ATOSA: variants seen among roughly 807,000 people sequenced by gnomAD.
ATOSA encodes the protein atos homolog A, also known as atos homolog protein A.
At chr15:52,599,752 T>G in the ATOSA span, among the ~76,000 whole-genome samples, 1 of 152,208 alleles carries the variant, frequency 6.6e-6, no homozygotes, top group Admixed American at 6.5e-5. Flanking sequence ...CCTTTTGGTT[T>G]TGCAAATCAA....
the ATOSA span, chr15:52,611,381 A>T: frequency 4.4e-5 from 57 of 1,287,166 alleles, no homozygotes; most frequent in Non-Finnish European, 5.3e-5. Context: ...ATAGGAATAC[A>T]CTTACGATGT....
chr15:52,701,436 C>G, the ATOSA span, among the ~76,000 whole-genome samples: 1 of 152,196 alleles, frequency 6.6e-6, no homozygotes, highest in Non-Finnish European at 1.5e-5. Context: ...GAGACCCTGT[C>G]TCCAGTATAT....
At chr15:52,599,647 A>G in the ATOSA span, among the ~76,000 whole-genome samples, 4 of 152,322 alleles carry the variant, frequency 2.6e-5, no homozygotes, top group Non-Finnish European at 4.4e-5. Flanking sequence ...GTGAGTAAAC[A>G]TATCAGAAAT....
chr15:52,709,149 G>A, the ATOSA span, among the ~76,000 whole-genome samples: 1 of 152,150 alleles, frequency 6.6e-6, no homozygotes, highest in Admixed American at 6.5e-5. Flanking sequence ...AGGCAAGTGG[G>A]TCAGTTTTGC....
At chr15:52,607,875 G>A in the ATOSA span, among the ~76,000 whole-genome samples, 24 of 152,068 alleles carry the variant, frequency 1.6e-4, no homozygotes, top group Non-Finnish European at 3.1e-4. Flanking sequence ...TGGTTGGTTG[G>A]TTTTTTTCTG....
chr15:52,669,453 T>C, the ATOSA span, among the ~76,000 whole-genome samples: 1 of 152,212 alleles, frequency 6.6e-6, no homozygotes, highest in Non-Finnish European at 1.5e-5. Flanking sequence ...TAAATTTAAG[T>C]AGAAATGGCC....
At chr15:52,611,855 A>T in the ATOSA span, 8 of 1,294,676 alleles carry the variant, frequency 6.2e-6, no homozygotes, top group African/African-American at 1.5e-5. Context: ...TTATCATTGT[A>T]AAGTAGACAT....
the ATOSA span, among the ~76,000 whole-genome samples, chr15:52,705,058 T>A: frequency 0.019 from 2,970 of 152,316 alleles, 108 homozygotes; most frequent in African/African-American, 0.069. Flanking sequence ...TGCACACATA[T>A]GTTTATTGCG....
chr15:52,611,126 A>G, the ATOSA span: 2 of 1,611,254 alleles, frequency 1.2e-6, no homozygotes, highest in African/African-American at 2.7e-5. Context: ...GGCCCTAGAC[A>G]TACCTGTAGA....
At chr15:52,677,700 A>G in the ATOSA span, among the ~76,000 whole-genome samples, 1 of 152,324 alleles carries the variant, frequency 6.6e-6, no homozygotes, top group Middle Eastern at 3.4e-3. Flanking sequence ...AAAAACGAGC[A>G]AGTACAACTC....
At chr15:52,699,063 G>A in the ATOSA span, among the ~76,000 whole-genome samples, 15 of 152,262 alleles carry the variant, frequency 9.9e-5, no homozygotes, top group Admixed American at 2.6e-4. Flanking sequence ...TACAGATACT[G>A]GAAATAAAAG....
At chr15:52,672,172 CAAAA>C in the ATOSA span, among the ~76,000 whole-genome samples, 17 of 62,588 alleles carry the variant, frequency 2.7e-4, no homozygotes, top group Admixed American at 9.5e-4. Context: ...CCCCATTTCT[CAAAA>C]AAAAAAAAAA....
chr15:52,602,135 T>C, the ATOSA span, among the ~76,000 whole-genome samples: 1 of 152,366 alleles, frequency 6.6e-6, no homozygotes, highest in Non-Finnish European at 1.5e-5. Flanking sequence ...TGCTTCATTC[T>C]AGGTGCTTCC....
the ATOSA span, among the ~76,000 whole-genome samples, chr15:52,655,796 A>AT: frequency 1.3e-5 from 2 of 152,126 alleles, no homozygotes; most frequent in African/African-American, 4.8e-5. Context: ...AGCAAGACAT[A>AT]AAGGAGGAAA....
chr15:52,588,064 G>A, the ATOSA span, among the ~76,000 whole-genome samples: 1 of 152,150 alleles, frequency 6.6e-6, no homozygotes, highest in Non-Finnish European at 1.5e-5. Flanking sequence ...GTCTAAAAGA[G>A]GATATCAGGA....
the ATOSA span, among the ~76,000 whole-genome samples, chr15:52,669,583 T>C: frequency 6.6e-6 from 1 of 152,244 alleles, no homozygotes; most frequent in Non-Finnish European, 1.5e-5. Context: ...TAATTTCAGA[T>C]ACTGACGCTA....
the ATOSA span, among the ~76,000 whole-genome samples, chr15:52,595,982 T>C: frequency 6.6e-6 from 1 of 151,998 alleles, no homozygotes; most frequent in Admixed American, 6.6e-5. Context: ...GGTGTGGTGG[T>C]ACAAGCGTAG....
At chr15:52,599,367 C>T in the ATOSA span, among the ~76,000 whole-genome samples, 31 of 152,258 alleles carry the variant, frequency 2.0e-4, 1 homozygote, top group Admixed American at 1.7e-3. Context: ...AAAGACTTAC[C>T]ATGAAATATC....
chr15:52,608,868 G>C, the ATOSA span: 3 of 1,608,938 alleles, frequency 1.9e-6, no homozygotes, highest in Non-Finnish European at 2.5e-6. Flanking sequence ...TTATTTTTGA[G>C]TCATTTTTTT....
Sources: gnomAD v4.1 joint callset for allele counts (sites outside exome capture counted in the v4.1 genomes callset) on GRCh38, gnomAD v4.1.1 for gene constraint, MANE v1.5 for transcripts, NCBI Gene and HGNC (gene_info 2026-07-23, HGNC 2026-07-21) for gene names.